ABCA13: variants seen among roughly 807,000 people sequenced by gnomAD.
The protein encoded by ABCA13 is ATP-binding cassette sub-family A member 13.
In ABCA13, 476 loss-of-function variants were observed where a neutral mutation model predicts 478.7. The ratio of observed to expected loss-of-function variants is 0.99; its 90% CI spans 0.92 to 1.07. The LOEUF (loss-of-function observed/expected upper bound fraction) is 1.07. Ranked by LOEUF, ABCA13 falls within the 50% of genes least tolerant of loss-of-function variation. The pLI, the probability that ABCA13 is intolerant of heterozygous loss-of-function variation, is 0.00. For synonymous variants in ABCA13, 2,252 were observed against 2,158.9 expected (o/e 1.04, Z -1.20); for missense variants, 6,060 against 5,910.6 (o/e 1.03, Z -0.83).
At chr7:48,634,416 A>G (rs1490895467) in intron 59 of ABCA13, among the ~76,000 whole-genome samples, 2 of 152,214 alleles carry the variant, frequency 1.3e-5, no homozygotes, top group African/African-American at 4.8e-5. Flanking sequence ...AAAACCATCA[A>G]GGATGGCTTG....
chr7:48,225,731 G>C (rs1464857602), intron 5 of ABCA13, among the ~76,000 whole-genome samples: 1 of 152,090 alleles, frequency 6.6e-6, no homozygotes, highest in Admixed American at 6.6e-5. Flanking sequence ...GGCAGGAACA[G>C]CTTGTGTTTT....
chr7:48,183,811 G>A (rs36138102), intron 1 of ABCA13, among the ~76,000 whole-genome samples: 13,366 of 152,158 alleles, frequency 0.088, 622 homozygotes, highest in Middle Eastern at 0.12. Context: ...TCCCATTGAC[G>A]GGGTTTGCAT....
chr7:48,171,476 C>T lies in ABCA13; in HGVS notation c.-8C>T. 6.5e-7 allele frequency: 1 copy of T among 1,535,974 alleles called. No homozygotes were observed. Among genetic ancestry groups the T allele is most frequent in the Non-Finnish European group, 8.7e-7 (1 of 1,146,868 alleles). On this transcript the variant is annotated 5_prime_UTR_variant, in exon 1 of 62. Transcript: ENST00000435803. ...TGGCTTCCTGACTGAGAGCAGGGAG[C>T]AGCAGGCATGGGGCATGCCGGGTGC...
rs1297704190 is a variant in ABCA13, at chr7:48,483,151, A to C, written c.13170A>C (p.Pro4390=). 1 of 1,612,530 alleles carries C rather than the reference A, an allele frequency of 6.2e-7. No individual in the cohort carries two copies. The highest frequency in any genetic ancestry group is 1.7e-5 in the Admixed American group (1 of 59,818). Reference sequence around the variant, plus strand: ...CAAATGGAAACATATCAAAACCCCCAACTCTGGCAAAGGTAATCATATTTT... The same window carrying C: ...CAAATGGAAACATATCAAAACCCCCCACTCTGGCAAAGGTAATCATATTTT... ...GGANGNISKP[P]TLAKVWYNQK... Residue 4390 remains proline (P), a synonymous_variant, in exon 47 of 62, where the codon CCA becomes CCC. Transcript: ENST00000435803.
chr7:48,605,828 C>T (rs1263169789), intron 58 of ABCA13, among the ~76,000 whole-genome samples: 1 of 152,192 alleles, frequency 6.6e-6, no homozygotes, highest in African/African-American at 2.4e-5. Context: ...GTTCCATTCT[C>T]CCCATCACTT....
rs142629687 is a variant in ABCA13 at position 48,173,278 on chromosome 7, C to G, written c.69+1726C>G. ...ACACACCACAGATTTTCTTATTTGC[C>G]GATTGCCTCTGGATCCTACATTAGT... On this transcript the variant is annotated intron_variant, in intron 1 of 61. Coordinates refer to ENST00000435803, the MANE Select transcript of ABCA13 (RefSeq NM_152701.5). Among the ~76,000 whole-genome samples, 543 of 152,238 alleles carry G rather than the reference C, an allele frequency of 3.6e-3. 2 individuals carry two copies. The highest frequency in any genetic ancestry group is 0.013 in the African/African-American group (525 of 41,534).
rs1325327204 is a variant in ABCA13 at position 48,288,924 on chromosome 7, A to G, written c.8955+846A>G. Among the ~76,000 whole-genome samples, 5 of 152,174 alleles carry G rather than the reference A, an allele frequency of 3.3e-5. No individual in the cohort carries two copies. The East Asian group carries it at 7.7e-4, about 23-fold the overall frequency. ...CTGATCCCCCTGACAAGCTTGGACA[A>G]TGGTGATGTCCTTCCAACAATGCAG... On this transcript the variant is annotated intron_variant, in intron 20 of 61. Transcript: ENST00000435803.
intron 55 of ABCA13, among the ~76,000 whole-genome samples, chr7:48,573,431 C>T (rs1003542558): frequency 4.0e-5 from 6 of 151,882 alleles, no homozygotes; most frequent in Admixed American, 6.6e-5. Context: ...TGCAGTGGCT[C>T]ATGCTTGTAA....
At chr7:48,317,434 CT>C in intron 27 of ABCA13, 138 bp downstream of exon 27, 1 of 1,034,116 alleles carries the variant, frequency 9.7e-7, no homozygotes, top group Non-Finnish European at 1.3e-6. Context: ...TCATTTTAGC[CT>C]GAGTGTTTTT....
At chr7:48,482,695 A>G (rs1828898695) in intron 46 of ABCA13, among the ~76,000 whole-genome samples, 1 of 152,168 alleles carries the variant, frequency 6.6e-6, no homozygotes, top group South Asian at 2.1e-4. Flanking sequence ...CACCTAGCCC[A>G]AGAAATTCTG....
intron 56 of ABCA13, among the ~76,000 whole-genome samples, chr7:48,583,195 C>T (rs1027542861): frequency 3.3e-5 from 5 of 152,146 alleles, no homozygotes; most frequent in Non-Finnish European, 7.3e-5. Context: ...TCTTGCTTCC[C>T]CTTATCTTCT....
intron 15 of ABCA13, among the ~76,000 whole-genome samples, chr7:48,255,728 G>A (rs1562891348): frequency 2.0e-5 from 3 of 152,094 alleles, no homozygotes; most frequent in Admixed American, 6.6e-5. Flanking sequence ...CATCTAGCTG[G>A]ATTCCATGAC....
chr7:48,523,325 T>C (rs71537791), intron 53 of ABCA13, among the ~76,000 whole-genome samples: 12,768 of 152,198 alleles, frequency 0.084, 927 homozygotes, highest in African/African-American at 0.2. Context: ...GAAAAGTTGC[T>C]GGGGATACTG....
At chr7:48,480,737 C>A (rs1043304289) in intron 45 of ABCA13, among the ~76,000 whole-genome samples, 3 of 152,214 alleles carry the variant, frequency 2.0e-5, no homozygotes, top group Admixed American at 1.3e-4. Context: ...TGCAAGATCA[C>A]CCCAGTGAAA....
chr7:48,322,827 A>G (rs1359980703), intron 27 of ABCA13, among the ~76,000 whole-genome samples: 1 of 152,156 alleles, frequency 6.6e-6, no homozygotes, highest in East Asian at 1.9e-4. Context: ...GCCCGAGCCC[A>G]CACCAAATCC....
In ABCA13 at chr7:48,272,669, AT is replaced by A. The variant is rs772068106; in HGVS notation, c.3006del (p.Phe1002LeufsTer56). The A allele has an allele frequency of 6.2e-7, 1 of 1,612,980 alleles. No individual in the cohort carries two copies. ...AACACATTTTGGATATCATAAAACA[AT>A]TTAATTTCCAAAACATCAGTAAAGC... Reference protein sequence around the residue: ...SKHILDIIKQFNFQNISKAFA... With the variant: ...SKHILDIIKQXNFQNISKAFA... On this transcript the variant is annotated frameshift_variant, in exon 17 of 62. Coordinates refer to ENST00000435803, the MANE Select transcript of ABCA13 (RefSeq NM_152701.5). LOFTEE classifies it high-confidence loss of function.
chr7:48,514,009 A>T (rs1231322542), intron 51 of ABCA13, among the ~76,000 whole-genome samples: 1 of 152,202 alleles, frequency 6.6e-6, no homozygotes, highest in African/African-American at 2.4e-5. Flanking sequence ...TATTTAAATG[A>T]CATAACCCAA....
intron 15 of ABCA13, among the ~76,000 whole-genome samples, chr7:48,263,858 T>C (rs1019257577): frequency 2.6e-5 from 4 of 151,898 alleles, no homozygotes; most frequent in Non-Finnish European, 5.9e-5. Context: ...CACATCCATG[T>C]TGACATATAC....
At chr7:48,203,125 C>T (rs1227435577) in intron 3 of ABCA13, among the ~76,000 whole-genome samples, 1 of 152,242 alleles carries the variant, frequency 6.6e-6, no homozygotes, top group Non-Finnish European at 1.5e-5. Context: ...GCTGGGGAAC[C>T]CAGTACATCC....
Sources: allele counts gnomAD v4.1 joint callset (sites outside exome capture counted in the v4.1 genomes callset), GRCh38; gene constraint gnomAD v4.1.1; transcripts MANE v1.5; gene names NCBI Gene and HGNC (gene_info 2026-07-23, HGNC 2026-07-21).